The following FEZ2 variants were observed in gnomAD, a reference collection of about 807,000 sequenced individuals.
The protein encoded by FEZ2 is fasciculation and elongation protein zeta-2.
FEZ2 carries 51 observed loss-of-function variants against 40.4 expected under a neutral mutation model. That is an observed-to-expected ratio of 1.26 (90% CI 1.01 to 1.59). FEZ2 has a LOEUF of 1.59. FEZ2 is among the 40% of genes most tolerant of loss of function. The probability of loss-of-function intolerance (pLI) is 0.00; values close to 1 mark genes in which losing one functional copy is unlikely to be tolerated. For missense variants in FEZ2, 640 were observed against 438.3 expected (o/e 1.46, Z -4.11); for synonymous variants, 242 against 172.0 (o/e 1.41, Z -3.18).
At chr2:36,568,610 CT>C (rs1668319392) in intron 5 of FEZ2, among the ~76,000 whole-genome samples, 1 of 152,176 alleles carries the variant, frequency 6.6e-6, no homozygotes, top group South Asian at 2.1e-4. Flanking sequence ...AAAATGCCCC[CT>C]CTCAGGATGG....
chr2:36,575,392 T>C (rs1422314602), intron 5 of FEZ2, among the ~76,000 whole-genome samples: 1 of 152,146 alleles, frequency 6.6e-6, no homozygotes, highest in Non-Finnish European at 1.5e-5. Flanking sequence ...TCTCACTATA[T>C]TGCCCAGTCT....
rs1401714707 is a variant in FEZ2, at chr2:36,598,089, C to A, written c.54G>T (p.Arg18=). Residue 18 remains arginine (R), a synonymous_variant, in exon 1 of 8, where the codon CGG becomes CGT. Coordinates refer to ENST00000405912, the MANE Select transcript of FEZ2 (RefSeq NM_005102.3). The part of the protein sequence containing the change: ...QDFYEFQEPA[R]SLLDQENCNA... ...TACAGTTCTCCTGGTCCAGGAGGCT[C>A]CGGGCCGGCTCCTGGAACTCATAGA... 1.3e-6 allele frequency: 2 copies of A among 1,496,764 alleles called. No homozygotes were observed. The highest frequency in any genetic ancestry group is 1.8e-6 in the Non-Finnish European group (2 of 1,129,618). The allele number at this position is 1,496,764 out of a possible 1,614,324, so 92.7% of individuals were successfully genotyped here.
intron 2 of FEZ2, among the ~76,000 whole-genome samples, chr2:36,588,377 T>C (rs1484298074): frequency 6.6e-6 from 1 of 152,166 alleles, no homozygotes. Context: ...ACGTCATTAC[T>C]AATCACTGCC....
intron 2 of FEZ2, among the ~76,000 whole-genome samples, chr2:36,587,584 T>G (rs1426603493): frequency 2.0e-5 from 3 of 152,220 alleles, no homozygotes; most frequent in Admixed American, 6.5e-5. Flanking sequence ...AAGAAAAATT[T>G]AAAACTGCAA....
intron 6 of FEZ2, chr2:36,556,595 T>C (rs1189041729): frequency 1.3e-5 from 2 of 152,240 alleles, no homozygotes; most frequent in African/African-American, 4.8e-5. Flanking sequence ...CTCTGCCACT[T>C]CCTAATTGTG....
At chr2:36,574,779 T>A (rs3770793) in intron 5 of FEZ2, among the ~76,000 whole-genome samples, 2 of 152,120 alleles carry the variant, frequency 1.3e-5, no homozygotes, top group Non-Finnish European at 2.9e-5. Flanking sequence ...TAGGTCACCA[T>A]AGTGATAAAC....
Position 36,598,100 on chromosome 2 carries a change from C to CATAGAA in FEZ2, c.42_43insTTCTAT (p.Gln14_Glu15insPheTyr). 6.7e-7 allele frequency: 1 copy of CATAGAA among 1,494,258 alleles called. No homozygotes were observed. 92.6% of individuals were successfully genotyped at this position (1,494,258 alleles called of 1,614,324 possible). A position where few individuals can be genotyped will look rare whatever the true frequency, so the allele number is the denominator to read the frequency against. ...TGGTCCAGGAGGCTCCGGGCCGGCTCCTGGAACTCATAGAAATCCTGCCAG... is the reference window on the plus strand; with the variant it reads ...TGGTCCAGGAGGCTCCGGGCCGGCTCATAGAACTGGAACTCATAGAAATCCTGCCAG... On this transcript the variant is annotated inframe_insertion, in exon 1 of 8. Coordinates refer to ENST00000405912, the MANE Select transcript of FEZ2 (RefSeq NM_005102.3).
rs1465486904 is a variant in FEZ2, at chr2:36,598,165, C to CCCCGCCCAGG, written c.-24_-23insCCTGGGCGGG. ...CATCGCCGCCCGGAGCAGTCGCGCG[C>CCCCGCCCAGG]CCCGCCCAGGCCGGCCCAGCCCGCC... On this transcript the variant is annotated 5_prime_UTR_variant, in exon 1 of 8. Transcript: ENST00000405912. 3 of 1,359,932 alleles carry CCCCGCCCAGG rather than the reference C, an allele frequency of 2.2e-6. No homozygotes were observed. In the African/African-American group the frequency reaches 6.9e-5, roughly 31 times the overall value. The allele number at this position is 1,359,932 out of a possible 1,614,324, so 84.2% of individuals were successfully genotyped here. A position where few individuals can be genotyped will look rare whatever the true frequency, so the allele number is the denominator to read the frequency against.
chr2:36,595,577 G>A (rs773953529), intron 1 of FEZ2, among the ~76,000 whole-genome samples: 1 of 152,192 alleles, frequency 6.6e-6, no homozygotes, highest in Non-Finnish European at 1.5e-5. Flanking sequence ...CTCCTGTAGT[G>A]TGGCCCAGTT....
At chr2:36,580,949 C>T (rs1439503509) in intron 4 of FEZ2, among the ~76,000 whole-genome samples, 1 of 152,028 alleles carries the variant, frequency 6.6e-6, no homozygotes, top group East Asian at 1.9e-4. Flanking sequence ...GTCAGGAGTT[C>T]GAGACCAGCC....
intron 2 of FEZ2, among the ~76,000 whole-genome samples, chr2:36,585,065 C>G (rs983430657): frequency 6.6e-6 from 1 of 151,712 alleles, no homozygotes; most frequent in East Asian, 1.9e-4. Context: ...ACTAAGAACA[C>G]TGTGTGGAAA....
chr2:36,560,937 AC>A, intron 5 of FEZ2: 1 of 898,058 alleles, frequency 1.1e-6, no homozygotes, highest in Non-Finnish European at 1.7e-6. Context: ...GTAAGAATGT[AC>A]CATGATGACT....
At chr2:36,566,108 A>T (rs1668230247) in intron 5 of FEZ2, among the ~76,000 whole-genome samples, 1 of 152,194 alleles carries the variant, frequency 6.6e-6, no homozygotes, top group East Asian at 1.9e-4. Flanking sequence ...TGTTTGCCTA[A>T]TAGTAGTATA....
At chr2:36,596,692 T>C (rs1669234775) in intron 1 of FEZ2, among the ~76,000 whole-genome samples, 1 of 152,180 alleles carries the variant, frequency 6.6e-6, no homozygotes. Flanking sequence ...GGTCTCGAAC[T>C]GCTGGAAGCA....
chr2:36,588,554 AG>A (rs1668975159), intron 2 of FEZ2, among the ~76,000 whole-genome samples: 1 of 152,176 alleles, frequency 6.6e-6, no homozygotes, highest in African/African-American at 2.4e-5. Context: ...CAGATGCTCA[AG>A]TCCCTTATAT....
chr2:36,554,848 A>T (rs1431797544), intron 7 of FEZ2, among the ~76,000 whole-genome samples: 1 of 152,192 alleles, frequency 6.6e-6, no homozygotes, highest in Non-Finnish European at 1.5e-5. Flanking sequence ...TGCTCAGCTA[A>T]CTTTAATGGA....
At chr2:36,584,349 T>G (rs1347234691) in intron 2 of FEZ2, among the ~76,000 whole-genome samples, 1 of 152,228 alleles carries the variant, frequency 6.6e-6, no homozygotes, top group Non-Finnish European at 1.5e-5. Flanking sequence ...AAGTACCAGT[T>G]TCTGTTGCCA....
intron 5 of FEZ2, among the ~76,000 whole-genome samples, chr2:36,569,811 T>C (rs1668357734): frequency 2.0e-5 from 3 of 152,314 alleles, no homozygotes; most frequent in Non-Finnish European, 4.4e-5. Context: ...GGAAATCATT[T>C]TAAAATCTCA....
chr2:36,592,448 T>G (rs181481265), intron 1 of FEZ2, among the ~76,000 whole-genome samples: 49 of 152,126 alleles, frequency 3.2e-4, no homozygotes, highest in African/African-American at 1.1e-3. Context: ...GATTGGGCGC[T>G]AAAAAGAAGC....
Sources: gnomAD v4.1 joint callset for allele counts (sites outside exome capture counted in the v4.1 genomes callset) on GRCh38, gnomAD v4.1.1 for gene constraint, MANE v1.5 for transcripts, NCBI Gene and HGNC (gene_info 2026-07-23, HGNC 2026-07-21) for gene names.